CHODL: variants seen among roughly 807,000 people sequenced by gnomAD.
The protein encoded by CHODL is transmembrane protein MT75.
CHODL carries 29 observed loss-of-function variants against 34.5 expected under a neutral mutation model. That is an observed-to-expected ratio of 0.84 (90% CI 0.63 to 1.15). CHODL has a LOEUF of 1.15. Among genes scored for constraint, CHODL ranks in the 50% most tolerant of loss-of-function variants. The pLI, the probability that CHODL is intolerant of heterozygous loss-of-function variation, is 0.00. For missense variants in CHODL, 332 were observed against 332.5 expected, an observed-to-expected ratio of 1.00 and a Z score of 0.01; for synonymous variants, 125 against 116.1, an observed-to-expected ratio of 1.08 and a Z score of -0.49.
chr21:18,112,147 C>T (rs1014400068), intron 2 of CHODL, among the ~76,000 whole-genome samples: 10 of 151,890 alleles, frequency 6.6e-5, no homozygotes, highest in East Asian at 3.9e-4. Context: ...AATTGCTAGT[C>T]GAGGTATGTG....
intron 2 of CHODL, among the ~76,000 whole-genome samples, chr21:18,039,428 A>G (rs971984124): frequency 1.3e-5 from 2 of 151,724 alleles, no homozygotes; most frequent in African/African-American, 4.8e-5. Context: ...GAAATCTTGG[A>G]CATCATGGAT....
At chr21:18,102,076 A>G (rs560868807) in intron 2 of CHODL, among the ~76,000 whole-genome samples, 156 of 152,298 alleles carry the variant, frequency 1.0e-3, no homozygotes, top group Middle Eastern at 3.4e-3. Flanking sequence ...TTTGAGTGTA[A>G]GCTCAGAATC....
chr21:18,117,472 T>C (rs984091901), intron 2 of CHODL, among the ~76,000 whole-genome samples: 1 of 152,190 alleles, frequency 6.6e-6, no homozygotes, highest in African/African-American at 2.4e-5. Context: ...CCTGCCTCCT[T>C]GGTAGTTAGC....
chr21:18,180,281 T>C (rs559581547), intron 2 of CHODL, among the ~76,000 whole-genome samples: 19 of 152,162 alleles, frequency 1.2e-4, no homozygotes, highest in African/African-American at 4.1e-4. Flanking sequence ...GCCTCCCAAG[T>C]AGCTGGGACC....
At chr21:18,163,996 G>C (rs1425827477) in intron 2 of CHODL, among the ~76,000 whole-genome samples, 1 of 152,170 alleles carries the variant, frequency 6.6e-6, no homozygotes, top group Non-Finnish European at 1.5e-5. Flanking sequence ...AAAAGGAGTT[G>C]TTTCTATTGT....
chr21:18,089,732 GAAAT>G (rs993903016), intron 2 of CHODL, among the ~76,000 whole-genome samples: 2 of 151,834 alleles, frequency 1.3e-5, no homozygotes, highest in Admixed American at 1.3e-4. Context: ...TGACAATAAA[GAAAT>G]AAAAAGCTTT....
chr21:18,223,255 T>A (rs1463101111), intron 2 of CHODL, among the ~76,000 whole-genome samples: 1 of 152,190 alleles, frequency 6.6e-6, no homozygotes, highest in Non-Finnish European at 1.5e-5. Flanking sequence ...AGCTATAATA[T>A]TTTATCACTG....
chr21:18,030,325 A>G (rs1050266495), intron 2 of CHODL, among the ~76,000 whole-genome samples: 4 of 152,298 alleles, frequency 2.6e-5, no homozygotes, highest in Non-Finnish European at 5.9e-5. Context: ...GACAACGAGC[A>G]GCATGGACCT....
intron 2 of CHODL, among the ~76,000 whole-genome samples, chr21:18,125,504 G>A (rs757392086): frequency 1.3e-5 from 2 of 151,946 alleles, no homozygotes; most frequent in African/African-American, 2.4e-5. Context: ...TGAGGAAAAC[G>A]TTTCTCACTG....
intron 1 of CHODL, among the ~76,000 whole-genome samples, chr21:17,973,849 G>A (rs1427725510): frequency 1.3e-5 from 2 of 150,066 alleles, no homozygotes; most frequent in Non-Finnish European, 3.0e-5. Context: ...TTAGGAATTA[G>A]TAACACTATT....
At chr21:18,199,345 A>G (rs2073625840) in intron 2 of CHODL, among the ~76,000 whole-genome samples, 1 of 152,130 alleles carries the variant, frequency 6.6e-6, no homozygotes, top group Non-Finnish European at 1.5e-5. Flanking sequence ...TTTTAGATTT[A>G]TGGAAAATTG....
chr21:18,245,814 C>T, intron 1 of CHODL: 1 of 1,090,034 alleles, frequency 9.2e-7, no homozygotes, highest in Non-Finnish European at 1.3e-6. Context: ...GGTCTTTGTT[C>T]TCAGCAGGAC....
At position 18,058,911 on chromosome 21, in the gene CHODL, C is replaced by T. The variant is rs183750734; in HGVS notation, c.-45+30940C>T. On this transcript the variant is annotated intron_variant, in intron 2 of 6. Transcript: ENST00000400127. ...TCTTTTTCCCCTTGTTTTGTACTCT[C>T]CCAAGGCAGTCTTATCAGTGCTCCT... is the stretch of plus-strand genomic sequence containing the variant. Among the ~76,000 whole-genome samples the T allele has an allele frequency of 4.6e-5, 7 of 152,232 alleles. No homozygotes were observed. The East Asian group carries it at 1.2e-3, about 25-fold the overall frequency.
chr21:18,076,596 TGA>T (rs2064869366), intron 2 of CHODL, among the ~76,000 whole-genome samples: 1 of 152,172 alleles, frequency 6.6e-6, no homozygotes, highest in African/African-American at 2.4e-5. Context: ...CTGAAAAGAA[TGA>T]GAGAGCCTAT....
intron 2 of CHODL, among the ~76,000 whole-genome samples, chr21:18,110,169 G>T (rs77228232): frequency 0.03 from 4,624 of 152,234 alleles, 102 homozygotes; most frequent in Middle Eastern, 0.048. Context: ...AACAACAAGA[G>T]TATTACAGTT....
intron 2 of CHODL, among the ~76,000 whole-genome samples, chr21:18,069,694 G>C (rs2064772845): frequency 6.6e-6 from 1 of 151,998 alleles, no homozygotes. Flanking sequence ...CAAAGATGGT[G>C]GTAAAATTAC....
At chr21:17,986,043 C>T (rs2063750986) in intron 1 of CHODL, among the ~76,000 whole-genome samples, 1 of 152,132 alleles carries the variant, frequency 6.6e-6, no homozygotes, top group African/African-American at 2.4e-5. Context: ...AATACCATCA[C>T]ATTGGAGGTT....
intron 1 of CHODL, among the ~76,000 whole-genome samples, chr21:17,996,786 A>G (rs1422709839): frequency 6.6e-6 from 1 of 152,216 alleles, no homozygotes; most frequent in African/African-American, 2.4e-5. Context: ...GTTTAATCAG[A>G]GGCTGGTTGA....
chr21:18,244,796 G>A (rs1370769695), upstream of CHODL: 2 of 163,480 alleles, frequency 1.2e-5, no homozygotes, highest in African/African-American at 4.8e-5. Context: ...ACCTCGGGAC[G>A]TGGGTATATA....
Sources: allele counts gnomAD v4.1 joint callset (sites outside exome capture counted in the v4.1 genomes callset), GRCh38; gene constraint gnomAD v4.1.1; transcripts MANE v1.5; gene names NCBI Gene and HGNC (gene_info 2026-07-23, HGNC 2026-07-21).